The following HAUS7 variants were observed in gnomAD, a reference collection of about 807,000 sequenced individuals.
The protein encoded by HAUS7 is HAUS augmin-like complex subunit 7.
HAUS7 carries 3 observed loss-of-function variants against 28.4 expected under a neutral mutation model. That is an observed-to-expected ratio of 0.11 (90% CI 0.05 to 0.27). The LOEUF (loss-of-function observed/expected upper bound fraction) is 0.27, where lower values mean the gene tolerates loss of function less well. Ranked by LOEUF, HAUS7 falls within the 10% of genes least tolerant of loss-of-function variation. The pLI is 1.00. For missense variants in HAUS7, 284 were observed against 297.3 expected, an observed-to-expected ratio of 0.96 and a Z score of 0.33; for synonymous variants, 165 against 132.1, an observed-to-expected ratio of 1.25 and a Z score of -1.71.
intron 1 of HAUS7, among the ~76,000 whole-genome samples, chrX:153,491,056 C>T (rs962592202): frequency 9.0e-6 from 1 of 111,463 alleles, no homozygotes; most frequent in Non-Finnish European, 1.9e-5. Flanking sequence ...TGGGGAGGTT[C>T]GTGTCCAGGC....
rs1425333394 is a variant in HAUS7 at position 153,456,349 on chromosome X, G to A, written c.621C>T (p.Ala207=). The A allele has an allele frequency of 8.3e-7, 1 of 1,208,418 alleles. No homozygotes were observed. The change falls in exon 7 of 10, where the codon GCC becomes GCT. Residue 207 remains alanine, a synonymous_variant. Coordinates refer to ENST00000370211, the MANE Select transcript of HAUS7 (RefSeq NM_001385482.1). ...SDDWQWASAS[A]KSEEEEKLAE... ...CCAGCTTCTCCTCCTCCTCGGACTT[G>A]GCAGAGGCACTGGCCCTGCAGGGAG...
intron 1 of HAUS7, among the ~76,000 whole-genome samples, chrX:153,494,714 C>T (rs929057210): frequency 4.6e-5 from 4 of 87,758 alleles, no homozygotes; most frequent in Non-Finnish European, 8.5e-5. Context: ...GTGTCCGTTC[C>T]TTTGCTGTCT....
intron 7 of HAUS7, 78 bp downstream of exon 7, chrX:153,456,187 A>G (rs782731145): frequency 1.3e-6 from 1 of 781,309 alleles, no homozygotes; most frequent in East Asian, 3.2e-5. Context: ...AACCTCGCCT[A>G]AGCCTCACGT....
At chrX:153,451,349 C>G (rs2089237375) in intron 9 of HAUS7, among the ~76,000 whole-genome samples, 1 of 112,613 alleles carries the variant, frequency 8.9e-6, no homozygotes, top group Non-Finnish European at 1.9e-5. Flanking sequence ...AAGCAGTTTA[C>G]TAACAGCAAT....
chrX:153,472,435 A>ACCACCTG (rs1412237370), upstream of HAUS7, among the ~76,000 whole-genome samples: 1 of 13,544 alleles, frequency 7.4e-5, no homozygotes, highest in Non-Finnish European at 1.6e-4. Context: ...CCCACCACCC[A>ACCACCTG]CCACCCACCA....
At chrX:153,463,709 C>T (rs2089421859) in intron 3 of HAUS7, among the ~76,000 whole-genome samples, 1 of 112,948 alleles carries the variant, frequency 8.9e-6, no homozygotes, top group Admixed American at 9.3e-5. Flanking sequence ...CCCTGCTCTC[C>T]AGCCACACCA....
At chrX:153,481,180 G>A (rs2089597514) in intron 1 of HAUS7, among the ~76,000 whole-genome samples, 1 of 112,848 alleles carries the variant, frequency 8.9e-6, no homozygotes, top group Non-Finnish European at 1.9e-5. Flanking sequence ...CCCCTCCCCA[G>A]CCTCAGAGCC....
chrX:153,472,276 G>A (rs2124157007), upstream of HAUS7, among the ~76,000 whole-genome samples: 1 of 112,280 alleles, frequency 8.9e-6, no homozygotes, highest in African/African-American at 3.2e-5. Context: ...CTGAGGAACT[G>A]GCAGGGCCTT....
chrX:153,469,900 G>A (rs781963882), intron 1 of HAUS7, among the ~76,000 whole-genome samples: 1 of 111,241 alleles, frequency 9.0e-6, no homozygotes, highest in African/African-American at 3.3e-5. Flanking sequence ...GACAGGATGG[G>A]GGAGTGTCTG....
At chrX:153,477,629 A>T (rs1556986479) in intron 1 of HAUS7, among the ~76,000 whole-genome samples, 1 of 112,455 alleles carries the variant, frequency 8.9e-6, no homozygotes, top group African/African-American at 3.2e-5. Context: ...ACCCTGTCCC[A>T]GCTTCGGCAG....
intron 1 of HAUS7, among the ~76,000 whole-genome samples, chrX:153,492,732 AC>A (rs1302203852): frequency 9.7e-6 from 1 of 103,069 alleles, no homozygotes; most frequent in Non-Finnish European, 2.0e-5. Flanking sequence ...GTCTCCCCAC[AC>A]CCCCCCGCAC....
In HAUS7 at chrX:153,464,023, G is replaced by A. The variant is rs781924183; in HGVS notation, c.292+965C>T. 1.2e-3 allele frequency among the ~76,000 whole-genome samples: 141 copies of A among 112,827 alleles called. 1 individual carries two copies. The highest frequency in any genetic ancestry group is 4.3e-3 in the African/African-American group (133 of 31,083). On this transcript the variant is annotated intron_variant, in intron 3 of 9. Coordinates refer to ENST00000370211, the MANE Select transcript of HAUS7 (RefSeq NM_001385482.1). ...ACCCCAGCACCAGGAACAGCGCCTC[G>A]CATGTGGTGGCTGCTCCTTAACCAT...
chrX:153,491,718 G>A (rs1204658376), intron 1 of HAUS7, among the ~76,000 whole-genome samples: 1 of 113,100 alleles, frequency 8.8e-6, no homozygotes, highest in Admixed American at 9.2e-5. Flanking sequence ...GCAACTGCCA[G>A]GGCAGGACAG....
intron 1 of HAUS7, 142 bp downstream of exon 1, chrX:153,470,308 C>T (rs2089504607): frequency 3.6e-6 from 2 of 555,581 alleles, no homozygotes; most frequent in South Asian, 2.9e-5. Flanking sequence ...CAAGCACCCC[C>T]TGCTGCAAGG....
chrX:153,454,543 AGG>A, intron 8 of HAUS7, 35 bp from the exon 9 acceptor site: 1 of 308,207 alleles, frequency 3.2e-6, no homozygotes, highest in Non-Finnish European at 6.4e-6. Context: ...GGAGGGAGGG[AGG>A]GAGCGAGCAG....
At chrX:153,475,621 A>G (rs1940958653) in intron 1 of HAUS7, among the ~76,000 whole-genome samples, 1 of 112,260 alleles carries the variant, frequency 8.9e-6, no homozygotes, top group African/African-American at 3.2e-5. Flanking sequence ...CCATATTGTT[A>G]CTGACATATA....
At chrX:153,477,885 C>T (rs1339580855) in intron 1 of HAUS7, among the ~76,000 whole-genome samples, 2 of 112,159 alleles carry the variant, frequency 1.8e-5, no homozygotes, top group Non-Finnish European at 3.8e-5. Flanking sequence ...AGCGGCAGCT[C>T]CTCAAGGAGC....
intron 1 of HAUS7, chrX:153,482,569 G>A (rs782253524): frequency 9.8e-6 from 7 of 713,707 alleles, no homozygotes; most frequent in Admixed American, 8.6e-5. Context: ...AGGCACACTC[G>A]GGAGAGTGCC....
In HAUS7 at chrX:153,456,596, G is replaced by T. The variant is rs2089314523; in HGVS notation, c.502C>A (p.Leu168Ile). The change falls in exon 6 of 10, where the codon CTC (leucine) becomes ATC (isoleucine). Residue 168 changes from leucine (L) to isoleucine (I), a missense_variant. Transcript: ENST00000370211. The part of the protein sequence containing the change: ...REKNEALLGE[L>I]FSSPHLQMLL... ...ATCTGCAGGTGGGGGCTAGAGAAGAGCTCCCCCAGCAAGGCCTCGTTCTTC... is the reference window on the plus strand; with the variant it reads ...ATCTGCAGGTGGGGGCTAGAGAAGATCTCCCCCAGCAAGGCCTCGTTCTTC... The T allele has an allele frequency of 3.4e-6, 4 of 1,179,569 alleles. No homozygotes were observed. Among genetic ancestry groups the T allele is most frequent in the Non-Finnish European group, 4.6e-6 (4 of 877,476 alleles).
Sources: allele counts gnomAD v4.1 joint callset (sites outside exome capture counted in the v4.1 genomes callset), GRCh38; gene constraint gnomAD v4.1.1; transcripts MANE v1.5; gene names NCBI Gene and HGNC (gene_info 2026-07-23, HGNC 2026-07-21).